Variants in SPOCK3 observed in about 807,000 individuals in gnomAD.
SPOCK3 encodes testican-3.
A neutral mutation model predicts 56.6 loss-of-function variants in SPOCK3; 30 were observed. The ratio of observed to expected loss-of-function variants is 0.53; its 90% confidence interval spans 0.40 to 0.72. The LOEUF is 0.72. Among genes scored for constraint, SPOCK3 ranks in the 30% least tolerant of loss-of-function variants. The pLI, the probability that SPOCK3 is intolerant of heterozygous loss-of-function variation, is 0.00. For synonymous variants in SPOCK3, 196 were observed against 183.3 expected (o/e 1.07, Z -0.56); for missense variants, 527 against 530.0 (o/e 0.99, Z 0.06).
At chr4:166,775,833 G>A (rs1239758441) in intron 7 of SPOCK3, among the ~76,000 whole-genome samples, 1 of 152,170 alleles carries the variant, frequency 6.6e-6, no homozygotes, top group Non-Finnish European at 1.5e-5. Context: ...TAAGTGCTAA[G>A]TATATGCCAA....
chr4:166,897,648 C>T (rs1297686421), intron 5 of SPOCK3, among the ~76,000 whole-genome samples: 1 of 152,104 alleles, frequency 6.6e-6, no homozygotes, highest in Non-Finnish European at 1.5e-5. Context: ...GTCTCTGGCC[C>T]AGGGTATCAT....
intron 6 of SPOCK3, among the ~76,000 whole-genome samples, chr4:166,848,806 C>G (rs920395662): frequency 1.3e-5 from 2 of 152,166 alleles, no homozygotes; most frequent in African/African-American, 4.8e-5. Flanking sequence ...CTGTATGCTA[C>G]TGTTTTCCTC....
chr4:167,201,322 T>A (rs1314332660), intron 2 of SPOCK3, among the ~76,000 whole-genome samples: 1 of 152,114 alleles, frequency 6.6e-6, no homozygotes, highest in Non-Finnish European at 1.5e-5. Flanking sequence ...TGATGATTGA[T>A]GATAATATTT....
chr4:167,047,175 C>T (rs1254964564), intron 3 of SPOCK3, among the ~76,000 whole-genome samples: 1 of 152,108 alleles, frequency 6.6e-6, no homozygotes, highest in African/African-American at 2.4e-5. Context: ...TAAGAGGTAT[C>T]TTCATAGGGA....
chr4:166,903,965 T>A (rs1232155614), intron 5 of SPOCK3, among the ~76,000 whole-genome samples: 2 of 152,030 alleles, frequency 1.3e-5, no homozygotes, highest in African/African-American at 4.8e-5. Flanking sequence ...TATAGATAGA[T>A]ACAATATATG....
At chr4:166,784,607 TCTC>T (rs904637311) in intron 7 of SPOCK3, among the ~76,000 whole-genome samples, 13 of 152,192 alleles carry the variant, frequency 8.5e-5, no homozygotes, top group Admixed American at 4.6e-4. Context: ...AAAGATGAAG[TCTC>T]CTGCTATACC....
chr4:166,881,874 A>G (rs1733720246), intron 6 of SPOCK3, among the ~76,000 whole-genome samples: 1 of 152,170 alleles, frequency 6.6e-6, no homozygotes, highest in Non-Finnish European at 1.5e-5. Context: ...TTATTTATAT[A>G]TTTGGAAAGC....
chr4:166,778,794 T>C (rs765549165), intron 7 of SPOCK3, among the ~76,000 whole-genome samples: 5 of 151,968 alleles, frequency 3.3e-5, no homozygotes, highest in Non-Finnish European at 7.4e-5. Flanking sequence ...AGTCTGCGTG[T>C]TGAGGAAGGA....
intron 3 of SPOCK3, among the ~76,000 whole-genome samples, chr4:167,040,133 A>G (rs1481042188): frequency 6.6e-6 from 1 of 152,182 alleles, no homozygotes; most frequent in African/African-American, 2.4e-5. Context: ...CTTTAAATAT[A>G]CTGCCTCCTA....
Position 166,734,363 on chromosome 4 carries a change from A to G in SPOCK3, c.*558T>C, listed in dbSNP as rs1241679782. ...CCAGAATAATTTCATAGGTAAAAAC[A>G]CCACTATTAATGTAAACACAATTGA... is the stretch of plus-strand genomic sequence containing the variant. On this transcript the variant is annotated 3_prime_UTR_variant, in exon 11 of 11. Transcript: ENST00000357545. The G allele has an allele frequency of 6.6e-6, 1 of 151,932 alleles. No individual in the cohort carries two copies. The highest frequency in any genetic ancestry group is 1.5e-5 in the Non-Finnish European group (1 of 67,846). The allele number at this position is 151,932 out of a possible 1,614,324, so 9.4% of individuals were successfully genotyped here.
At chr4:167,084,351 G>A (rs759383613) in intron 2 of SPOCK3, among the ~76,000 whole-genome samples, 1 of 151,804 alleles carries the variant, frequency 6.6e-6, no homozygotes, top group African/African-American at 2.4e-5. Context: ...CTTTTTTTAA[G>A]TTCAGTTTCT....
chr4:166,940,346 G>A (rs756589086), intron 4 of SPOCK3, among the ~76,000 whole-genome samples: 1 of 152,028 alleles, frequency 6.6e-6, no homozygotes, highest in African/African-American at 2.4e-5. Flanking sequence ...CCTCCCTACC[G>A]AAGTCCGCGA....
At chr4:166,827,170 A>G (rs1745567741) in intron 6 of SPOCK3, among the ~76,000 whole-genome samples, 2 of 152,096 alleles carry the variant, frequency 1.3e-5, no homozygotes, top group African/African-American at 4.8e-5. Flanking sequence ...CCTGAAAATT[A>G]GAATTAACTT....
chr4:166,995,141 T>G (rs1006242434), intron 4 of SPOCK3, among the ~76,000 whole-genome samples: 2 of 152,098 alleles, frequency 1.3e-5, no homozygotes, highest in African/African-American at 4.8e-5. Flanking sequence ...GTGAATTCTC[T>G]GTCTCAACTT....
At chr4:167,084,199 T>C (rs1329879921) in intron 2 of SPOCK3, among the ~76,000 whole-genome samples, 1 of 152,040 alleles carries the variant, frequency 6.6e-6, no homozygotes, top group East Asian at 1.9e-4. Context: ...ATAGGCCATA[T>C]CATGAGAAAA....
chr4:167,179,336 C>T (rs1190319433), intron 2 of SPOCK3, among the ~76,000 whole-genome samples: 1 of 152,108 alleles, frequency 6.6e-6, no homozygotes, highest in Admixed American at 6.6e-5. Context: ...GAGCCTGTGT[C>T]CCGCTCAAAG....
chr4:167,178,028 T>C (rs768258710), intron 2 of SPOCK3, among the ~76,000 whole-genome samples: 18 of 152,188 alleles, frequency 1.2e-4, no homozygotes, highest in Non-Finnish European at 2.5e-4. Context: ...CACTCAGCTA[T>C]GTGCAAAGCA....
At chr4:166,888,051 GT>G (rs1311886618) in intron 6 of SPOCK3, among the ~76,000 whole-genome samples, 2 of 151,786 alleles carry the variant, frequency 1.3e-5, no homozygotes, top group African/African-American at 4.8e-5. Context: ...GTTTTATTTT[GT>G]TTTTTCATCT....
chr4:166,975,367 A>C (rs1745833902), intron 4 of SPOCK3, among the ~76,000 whole-genome samples: 1 of 152,098 alleles, frequency 6.6e-6, no homozygotes, highest in Admixed American at 6.5e-5. Context: ...TTTAATGTTT[A>C]ATTTTTATGG....
Sources: gnomAD v4.1 joint callset for allele counts (sites outside exome capture counted in the v4.1 genomes callset) on GRCh38, gnomAD v4.1.1 for gene constraint, MANE v1.5 for transcripts, NCBI Gene and HGNC (gene_info 2026-07-23, HGNC 2026-07-21) for gene names.